Variants in TRPM3 observed in about 807,000 individuals in gnomAD.
The protein encoded by TRPM3 is transient receptor potential cation channel subfamily M member 3, also known as long transient receptor potential channel 3.
A neutral mutation model predicts 181.2 loss-of-function variants in TRPM3; 77 were observed. That is an observed-to-expected ratio of 0.42 (90% confidence interval 0.35 to 0.51). The LOEUF (loss-of-function observed/expected upper bound fraction) is 0.51. TRPM3 is among the 20% of genes least tolerant of loss of function. The pLI, the probability that TRPM3 is intolerant of heterozygous loss-of-function variation, is 0.01. For synonymous variants in TRPM3, 745 were observed against 796.4 expected (o/e 0.94, Z 1.09); for missense variants, 1,759 against 2,196.7 (o/e 0.80, Z 3.98).
intron 1 of TRPM3, among the ~76,000 whole-genome samples, chr9:71,312,651 A>C (rs943239445): frequency 4.6e-5 from 7 of 152,176 alleles, no homozygotes; most frequent in Non-Finnish European, 8.8e-5. Context: ...GGAAGTAAAC[A>C]AGATGTCCTT....
At chr9:71,313,632 C>T (rs1034069119) in intron 1 of TRPM3, among the ~76,000 whole-genome samples, 9 of 152,070 alleles carry the variant, frequency 5.9e-5, no homozygotes, top group African/African-American at 2.2e-4. Context: ...TTTCCTTTTA[C>T]TGAGATAACA....
At chr9:70,830,726 T>C (rs1385134887) in intron 5 of TRPM3, among the ~76,000 whole-genome samples, 2 of 152,246 alleles carry the variant, frequency 1.3e-5, no homozygotes, top group Non-Finnish European at 2.9e-5. Flanking sequence ...TGCTAATGAC[T>C]GTGTGAATCT....
intron 1 of TRPM3, among the ~76,000 whole-genome samples, chr9:71,230,713 GCTTTTA>G (rs1440499681): frequency 5.3e-5 from 8 of 152,152 alleles, no homozygotes; most frequent in South Asian, 2.1e-4. Context: ...GGTTGCTCAT[GCTTTTA>G]CTTTAAGTTA....
upstream of TRPM3, among the ~76,000 whole-genome samples, chr9:71,124,611 C>T (rs941271833): frequency 3.9e-5 from 6 of 152,236 alleles, no homozygotes; most frequent in African/African-American, 4.8e-5. Context: ...GTAAATGATA[C>T]GAAACCAAAG....
chr9:71,292,313 CAA>C (rs1200117088), intron 1 of TRPM3, among the ~76,000 whole-genome samples: 1 of 151,490 alleles, frequency 6.6e-6, no homozygotes, highest in Admixed American at 6.6e-5. Flanking sequence ...AAATAACAAT[CAA>C]AAGCTGAAAT....
intron 9 of TRPM3, among the ~76,000 whole-genome samples, chr9:70,673,081 C>T (rs1439571271): frequency 6.6e-6 from 1 of 152,076 alleles, no homozygotes; most frequent in Non-Finnish European, 1.5e-5. Flanking sequence ...TAAGCTTTGG[C>T]TCTGCCACTA....
chr9:70,831,993 A>ATAAATATATATATATATATT (rs2093961632), intron 5 of TRPM3, among the ~76,000 whole-genome samples: 1 of 92,684 alleles, frequency 1.1e-5, no homozygotes, highest in African/African-American at 4.8e-5. Flanking sequence ...ATATATATAT[A>ATAAATATATATATATATATT]TATACCTACT....
At chr9:70,849,792 T>A (rs955103924) in intron 3 of TRPM3, among the ~76,000 whole-genome samples, 1 of 135,680 alleles carries the variant, frequency 7.4e-6, no homozygotes, top group African/African-American at 2.7e-5. Flanking sequence ...CATACAAACA[T>A]ATGCTTTTTG....
chr9:71,227,108 C>CAAA (rs368727383), intron 1 of TRPM3, among the ~76,000 whole-genome samples: 80 of 39,842 alleles, frequency 2.0e-3, no homozygotes, highest in Non-Finnish European at 2.4e-3. Context: ...TACTTCATCT[C>CAAA]AAAAAAAAAA....
At position 70,620,322 on chromosome 9, in the gene TRPM3, C is replaced by A; in HGVS notation, c.1883G>T (p.Arg628Leu). The change falls in exon 16 of 26, where the codon CGT becomes CTT. Residue 628 changes from arginine to leucine, a missense_variant. Around this residue, in one of 8 missense-constraint regions of TRPM3, gnomAD observed 737 missense variants for 957.4 expected, o/e 0.77. Transcript: ENST00000677713. The part of the protein sequence containing the change: ...LRRGRKTTKK[R>L]EEEVDIDLDD... Reference sequence around the variant, plus strand: ...CAAGTCAATGTCCACCTCTTCTTCACGTTTCTTGGTTGTCTTTCTTCCTCG... The same window carrying A: ...CAAGTCAATGTCCACCTCTTCTTCAAGTTTCTTGGTTGTCTTTCTTCCTCG... 6.2e-7 allele frequency: 1 copy of A among 1,614,026 alleles called. No homozygotes were observed. The highest frequency in any genetic ancestry group is 1.7e-5 in the Admixed American group (1 of 60,028).
intron 1 of TRPM3, among the ~76,000 whole-genome samples, chr9:71,372,142 G>C (rs1348434902): frequency 6.6e-6 from 1 of 152,092 alleles, no homozygotes; most frequent in African/African-American, 2.4e-5. Flanking sequence ...CCATGTCCCT[G>C]CAAAGGACAT....
intron 1 of TRPM3, among the ~76,000 whole-genome samples, chr9:71,240,928 A>C (rs1224507305): frequency 6.6e-6 from 1 of 152,162 alleles, no homozygotes; most frequent in Admixed American, 6.5e-5. Context: ...TATGTTAAAA[A>C]TTTCCTACTA....
At chr9:70,769,423 G>T (rs2079780201) in intron 7 of TRPM3, among the ~76,000 whole-genome samples, 1 of 151,660 alleles carries the variant, frequency 6.6e-6, no homozygotes. Flanking sequence ...TTTTATTTTA[G>T]AATCAGGGGG....
intron 9 of TRPM3, among the ~76,000 whole-genome samples, chr9:70,663,411 C>G (rs2061392193): frequency 6.6e-6 from 1 of 152,130 alleles, no homozygotes; most frequent in Non-Finnish European, 1.5e-5. Context: ...TAAAAAATAA[C>G]TACTGAGTGT....
intron 6 of TRPM3, among the ~76,000 whole-genome samples, chr9:70,810,706 G>A (rs2091870079): frequency 6.6e-6 from 1 of 152,112 alleles, no homozygotes. Flanking sequence ...ATGCTTCCAT[G>A]TGTAGGATGA....
chr9:70,533,911 T>C lies in TRPM3; in HGVS notation c.*2042A>G, dbSNP rs1038155177. ...AGAAGAGTTTTTATTTTGTTTTTTA[T>C]CTTATATTTAAAGGCCATGTATTTA... is the stretch of plus-strand genomic sequence containing the variant. On this transcript the variant is annotated 3_prime_UTR_variant, in exon 26 of 26. Transcript: ENST00000677713. 11 of 152,240 alleles carry C rather than the reference T, an allele frequency of 7.2e-5. No individual in the cohort carries two copies. Among genetic ancestry groups the C allele is most frequent in the Non-Finnish European group, 1.3e-4 (9 of 68,042 alleles). 9.4% of individuals were successfully genotyped at this position (152,240 alleles called of 1,614,324 possible).
At chr9:71,396,054 G>A (rs533476055) in intron 1 of TRPM3, among the ~76,000 whole-genome samples, 1 of 152,298 alleles carries the variant, frequency 6.6e-6, no homozygotes, top group South Asian at 2.1e-4. Flanking sequence ...AAGGACTTGG[G>A]ATGTGGTCTT....
At chr9:71,056,929 G>A (rs777400595) in intron 1 of TRPM3, among the ~76,000 whole-genome samples, 6 of 151,980 alleles carry the variant, frequency 3.9e-5, no homozygotes, top group Non-Finnish European at 7.4e-5. Context: ...GAGGAAAATC[G>A]TATCAATGTA....
At chr9:71,262,875 G>A (rs557518026) in intron 1 of TRPM3, among the ~76,000 whole-genome samples, 71 of 138,750 alleles carry the variant, frequency 5.1e-4, no homozygotes, top group African/African-American at 1.6e-3. Flanking sequence ...GAGATGAACC[G>A]GGTACTTCAG....
Sources: gnomAD v4.1 joint callset for allele counts (sites outside exome capture counted in the v4.1 genomes callset) on GRCh38, gnomAD v4.1.1 for gene constraint, gnomAD v4.1.1 regional missense constraint, MANE v1.5 for transcripts, NCBI Gene and HGNC (gene_info 2026-07-23, HGNC 2026-07-21) for gene names.